RUVBL2: variants seen among roughly 807,000 people sequenced by gnomAD.
RUVBL2 encodes the protein ruvB-like 2.
A neutral mutation model predicts 57.9 loss-of-function variants in RUVBL2; 9 were observed. The observed-to-expected ratio is 0.16, with a 90% CI of 0.09 to 0.27. The LOEUF (loss-of-function observed/expected upper bound fraction) is 0.27. Ranked by LOEUF, RUVBL2 falls within the 10% of genes least tolerant of loss-of-function variation. The pLI is 1.00. For synonymous variants in RUVBL2, 278 were observed against 264.6 expected, an observed-to-expected ratio of 1.05 and a Z score of -0.49; for missense variants, 456 against 669.6, an observed-to-expected ratio of 0.68 and a Z score of 3.52.
At position 49,015,684 on chromosome 19, in the gene RUVBL2, T is replaced by G; in HGVS notation, c.1364T>G (p.Leu455Arg). The change falls in exon 14 of 15, where the codon CTC becomes CGC. Residue 455 changes from leucine to arginine, a missense_variant and splice_region_variant. Physicochemically the swap from Leu to Arg is moderately radical, Grantham distance 102. Around this residue, in one of 5 missense-constraint regions of RUVBL2, gnomAD observed 67 missense variants for 71.5 expected, o/e 0.94. Coordinates refer to ENST00000595090, the MANE Select transcript of RUVBL2 (RefSeq NM_006666.3). ...EYQDAFLFNE[L>R]KGETMDTS ...CAGGACGCCTTCCTCTTCAACGAACTCAGTAAGAATCCCCACCCCGCACCT... is the reference window on the plus strand; with the variant it reads ...CAGGACGCCTTCCTCTTCAACGAACGCAGTAAGAATCCCCACCCCGCACCT... 2.5e-6 allele frequency: 4 copies of G among 1,613,296 alleles called. No individual in the cohort carries two copies. The South Asian group carries it at 4.4e-5, about 18-fold the overall frequency.
intron 4 of RUVBL2, among the ~76,000 whole-genome samples, chr19:49,004,997 A>AT (rs1179455026): frequency 2.0e-5 from 3 of 151,812 alleles, no homozygotes; most frequent in African/African-American, 2.4e-5. Context: ...AGGAAAGAAA[A>AT]TGAGGGTTCT....
intron 2 of RUVBL2, among the ~76,000 whole-genome samples, chr19:49,002,511 A>G (rs2039204689): frequency 6.6e-6 from 1 of 152,098 alleles, no homozygotes; most frequent in Non-Finnish European, 1.5e-5. Flanking sequence ...CATTCATATC[A>G]ATAGGTTCTG....
intron 1 of RUVBL2, among the ~76,000 whole-genome samples, chr19:48,999,106 G>A (rs925169368): frequency 9.9e-5 from 15 of 152,112 alleles, no homozygotes; most frequent in African/African-American, 3.6e-4. Context: ...GGACCAAGCT[G>A]TCGATGAGAC....
intron 1 of RUVBL2, among the ~76,000 whole-genome samples, chr19:48,998,807 C>T (rs2039117949): frequency 1.3e-5 from 2 of 151,884 alleles, no homozygotes; most frequent in African/African-American, 4.8e-5. Flanking sequence ...GCTGGTGTAT[C>T]ACTTGAGGCC....
chr19:49,011,672 A>ATAACATAACGTTATGTTAT lies in RUVBL2; in HGVS notation c.1001+362_1001+363insTAACATAACGTTATGTTAT, dbSNP rs2039431967. Among the ~76,000 whole-genome samples the ATAACATAACGTTATGTTAT allele has an allele frequency of 6.6e-6, 1 of 152,236 alleles. No homozygotes were observed. The highest frequency in any genetic ancestry group is 1.9e-4 in the East Asian group (1 of 5,204). ...GACATAACATAAACTACGATTGTTC[A>ATAACATAACGTTATGTTAT]GTCACTTCGACCCAGCAACTCCATT... On this transcript the variant is annotated intron_variant, in intron 11 of 14. Transcript: ENST00000595090. This position sits in a 1 kb window ranked among gnomAD's most constrained non-coding sequence, Gnocchi z 4.4.
At chr19:49,009,322 A>G (rs1049013886) in intron 6 of RUVBL2, among the ~76,000 whole-genome samples, 1 of 151,272 alleles carries the variant, frequency 6.6e-6, no homozygotes, top group Non-Finnish European at 1.5e-5. Flanking sequence ...CCCCATCTCT[A>G]CTAAAAATAC....
rs61402282 is a variant in RUVBL2 at position 49,009,160 on chromosome 19, CAAAAAAAAAAAAAA to C, written c.463-593_463-580del. ...TGGGCGACAGAGCAAGACTCTATCTCAAAAAAAAAAAAAAAAAAAAAAAAAAAAAAAAAAAAGAG... is the reference window on the plus strand; with the variant it reads ...TGGGCGACAGAGCAAGACTCTATCTCAAAAAAAAAAAAAAAAAAAAAAGAG... On this transcript the variant is annotated intron_variant, in intron 6 of 14. Transcript: ENST00000595090. Among the ~76,000 whole-genome samples the C allele has an allele frequency of 4.7e-3, 100 of 21,418 alleles. No homozygotes were observed. In the East Asian group the frequency reaches 0.12, roughly 25 times the overall value. 14.1% of individuals were successfully genotyped at this position (21,418 alleles called of 152,430 possible).
intron 4 of RUVBL2, among the ~76,000 whole-genome samples, chr19:49,006,497 C>T (rs1036091084): frequency 2.5e-4 from 38 of 152,214 alleles, no homozygotes; most frequent in African/African-American, 9.2e-4. Flanking sequence ...CATGCTGGCA[C>T]GTGTTCTGTT....
At chr19:49,005,299 C>T (rs1026362143) in intron 4 of RUVBL2, among the ~76,000 whole-genome samples, 3 of 152,348 alleles carry the variant, frequency 2.0e-5, no homozygotes, top group Admixed American at 6.5e-5. Context: ...TTGGGGTGCT[C>T]GGACTGGACA....
chr19:49,003,265 T>C lies in RUVBL2; in HGVS notation c.68-14T>C. 6.2e-7 allele frequency: 1 copy of C among 1,613,784 alleles called. No individual in the cohort carries two copies. The highest frequency in any genetic ancestry group is 1.1e-5 in the South Asian group (1 of 91,076). ...TGGCTAGTAACTGAGTCTTTGTTCT[T>C]TCCCTTCATGTAGGTGCCCACTCCC... On this transcript the variant is annotated splice_polypyrimidine_tract_variant and intron_variant, in intron 2 of 14. Transcript: ENST00000595090.
Position 49,008,672 on chromosome 19 carries a change from C to T in RUVBL2, c.463-1104C>T, listed in dbSNP as rs997784038. On this transcript the variant is annotated intron_variant, in intron 6 of 14. Transcript: ENST00000595090. ...CGAGCCTGACTAACATGGTGAAACC[C>T]TGTCTATACTAAAAATACAAAATGG... 1.6e-4 allele frequency among the ~76,000 whole-genome samples: 25 copies of T among 151,872 alleles called. 1 individual carries two copies. Among genetic ancestry groups the T allele is most frequent in the East Asian group, 3.9e-4 (2 of 5,140 alleles).
Position 49,015,587 on chromosome 19 carries a change from G to A in RUVBL2, c.1267G>A (p.Val423Met). 3 of 1,613,938 alleles carry A rather than the reference G, an allele frequency of 1.9e-6. No individual in the cohort carries two copies. Among genetic ancestry groups the A allele is most frequent in the Non-Finnish European group, 2.5e-6 (3 of 1,179,916 alleles). ...CRKRKGTEVQ[V>M]DDIKRVYSLF... ...CCCCCTCCAGGGTACAGAAGTGCAG[G>A]TGGATGACATCAAGCGGGTCTACTC... is the stretch of plus-strand genomic sequence containing the variant. Residue 423 changes from valine to methionine, a missense_variant, in exon 14 of 15, where the codon GTG becomes ATG. By Grantham distance (21) the Val-to-Met change is conservative. Transcript: ENST00000595090.
intron 12 of RUVBL2, 92 bp downstream of exon 12, chr19:49,014,695 TGGTG>T: frequency 6.6e-7 from 1 of 1,522,270 alleles, no homozygotes; most frequent in South Asian, 1.2e-5. Context: ...CGGAGTGGCA[TGGTG>T]GCTGGGCCTA....
chr19:49,004,567 T>TC, intron 4 of RUVBL2, 149 bp downstream of exon 4: 1 of 791,486 alleles, frequency 1.3e-6, no homozygotes, highest in South Asian at 1.8e-5. Flanking sequence ...CATGGAAGAA[T>TC]CTAGAGGTAG....
chr19:49,015,515 C>G, intron 13 of RUVBL2, 57 bp from the exon 14 acceptor site: 3 of 1,300,926 alleles, frequency 2.3e-6, no homozygotes, highest in Non-Finnish European at 3.3e-6. Context: ...ACGCTGGGGT[C>G]TGTGCCTTGA....
intron 11 of RUVBL2, among the ~76,000 whole-genome samples, chr19:49,013,518 G>A (rs2039477900): frequency 6.6e-6 from 1 of 152,106 alleles, no homozygotes; most frequent in Admixed American, 6.5e-5. Flanking sequence ...AAAATGCCAT[G>A]TTACAGACGC....
chr19:49,015,923 T>C lies in RUVBL2; in HGVS notation c.*81T>C, dbSNP rs2039541899. ...ACTCTGTATAAAATGGTTGGGAAGC[T>C]GCACCCACCCTGTGTATGTGTGGTT... is the stretch of plus-strand genomic sequence containing the variant. On this transcript the variant is annotated 3_prime_UTR_variant, in exon 15 of 15. Coordinates refer to ENST00000595090, the MANE Select transcript of RUVBL2 (RefSeq NM_006666.3). 2 of 1,613,844 alleles carry C rather than the reference T, an allele frequency of 1.2e-6. No homozygotes were observed. Among genetic ancestry groups the C allele is most frequent in the Non-Finnish European group, 1.7e-6 (2 of 1,179,798 alleles).
intron 2 of RUVBL2, among the ~76,000 whole-genome samples, chr19:49,002,747 G>A (rs748941238): frequency 6.6e-6 from 1 of 151,980 alleles, no homozygotes; most frequent in Non-Finnish European, 1.5e-5. Flanking sequence ...ACCATGCCCA[G>A]CTAATTTTTG....
rs2039379769 is a variant in RUVBL2, at chr19:49,010,078, AC to A, written c.663+13del. On this transcript the variant is annotated intron_variant, in intron 8 of 14. Coordinates refer to ENST00000595090, the MANE Select transcript of RUVBL2 (RefSeq NM_006666.3). Reference sequence around the variant, plus strand: ...CTATGGGCTCCCAGGTGCGGCCGGGACTCCCGGGATCCCCTCGCCCCCAGCA... The same window carrying A: ...CTATGGGCTCCCAGGTGCGGCCGGGATCCCGGGATCCCCTCGCCCCCAGCA... 1 of 1,605,278 alleles carries A rather than the reference AC, an allele frequency of 6.2e-7. No homozygotes were observed. The highest frequency in any genetic ancestry group is 8.5e-7 in the Non-Finnish European group (1 of 1,176,540).
Sources: gnomAD v4.1 joint callset for allele counts (sites outside exome capture counted in the v4.1 genomes callset) on GRCh38, gnomAD v4.1.1 for gene constraint, gnomAD v4.1.1 regional missense constraint, Gnocchi (gnomAD v3.1) non-coding constraint, MANE v1.5 for transcripts, NCBI Gene and HGNC (gene_info 2026-07-23, HGNC 2026-07-21) for gene names.